STX11: variants seen among roughly 807,000 people sequenced by gnomAD.
STX11 encodes the protein syntaxin 11.
In STX11, 21 loss-of-function variants were observed where a neutral mutation model predicts 19.9. The ratio of observed to expected loss-of-function variants is 1.06; its 90% CI spans 0.75 to 1.52. The LOEUF is 1.52. STX11 is among the 40% of genes most tolerant of loss of function. The probability of loss-of-function intolerance (pLI) is 0.00; values close to 1 mark genes in which losing one functional copy is unlikely to be tolerated. For synonymous variants in STX11, 193 were observed against 174.4 expected, an observed-to-expected ratio of 1.11 and a Z score of -0.84; for missense variants, 438 against 405.9, an observed-to-expected ratio of 1.08 and a Z score of -0.68.
chr6:144,164,264 T>C (rs1248044866), intron 1 of STX11, among the ~76,000 whole-genome samples: 1 of 152,208 alleles, frequency 6.6e-6, no homozygotes, highest in African/African-American at 2.4e-5. Context: ...AAAATAAAGC[T>C]AATGGATGCC....
intron 1 of STX11, among the ~76,000 whole-genome samples, chr6:144,173,866 A>G (rs777856224): frequency 6.6e-6 from 1 of 152,204 alleles, no homozygotes; most frequent in Admixed American, 6.5e-5. Flanking sequence ...TTCACCTGCT[A>G]TCTGGTGCCA....
At chr6:144,143,623 G>C in the STX11 span, among the ~76,000 whole-genome samples, 265 of 152,200 alleles carry the variant, frequency 1.7e-3, 1 homozygote, top group African/African-American at 6.1e-3. Flanking sequence ...CCCTGCCCCT[G>C]TCCTCCTGCC....
chr6:144,158,777 A>G (rs1455226430), intron 1 of STX11, among the ~76,000 whole-genome samples: 1 of 152,242 alleles, frequency 6.6e-6, no homozygotes, highest in Non-Finnish European at 1.5e-5. Flanking sequence ...TATCTGATTC[A>G]CTGACATTGG....
At chr6:144,157,511 G>T (rs1801202063) in intron 1 of STX11, among the ~76,000 whole-genome samples, 1 of 152,168 alleles carries the variant, frequency 6.6e-6, no homozygotes, top group Non-Finnish European at 1.5e-5. Context: ...AGCCTTGTTT[G>T]TGTCTGATGG....
At position 144,189,477 on chromosome 6, in the gene STX11, T is replaced by C. The variant is rs1189475731; in HGVS notation, c.*1986T>C. ...GCAAAATCATGAGGCTTTAGAGATA[T>C]GGTGTAGTCTGCAAACTTCTTAATG... is the stretch of plus-strand genomic sequence containing the variant. On this transcript the variant is annotated 3_prime_UTR_variant, in exon 2 of 2. Transcript: ENST00000367568. 6.6e-6 allele frequency among the ~76,000 whole-genome samples: 1 copy of C among 152,246 alleles called. No individual in the cohort carries two copies. Among genetic ancestry groups the C allele is most frequent in the African/African-American group, 2.4e-5 (1 of 41,462 alleles).
At chr6:144,141,651 G>A in the STX11 span, among the ~76,000 whole-genome samples, 1 of 139,294 alleles carries the variant, frequency 7.2e-6, no homozygotes, top group African/African-American at 2.9e-5. Context: ...ATTATTTTCA[G>A]TTTTGTTGTT....
intron 1 of STX11, among the ~76,000 whole-genome samples, chr6:144,173,693 C>CT (rs1484601881): frequency 3.9e-5 from 6 of 152,206 alleles, no homozygotes; most frequent in Non-Finnish European, 7.3e-5. Flanking sequence ...CATTTTCAGC[C>CT]TTTGGAGCTG....
rs1009070093 is a variant in STX11, at chr6:144,177,446, T to C, written c.-5-9177T>C. ...ACCCTTGAGTGCTCCTGTCTTTACT[T>C]TCTCCCTTAGCTCATCTACTGGCTG... On this transcript the variant is annotated intron_variant, in intron 1 of 1. Transcript: ENST00000367568. This position sits in a 1 kb window ranked among gnomAD's most constrained non-coding sequence, Gnocchi z 4.4. Among the ~76,000 whole-genome samples the C allele has an allele frequency of 2.0e-5, 3 of 152,208 alleles. No individual in the cohort carries two copies. The highest frequency in any genetic ancestry group is 6.5e-5 in the Admixed American group (1 of 15,280).
rs1223234388 is a variant in STX11, at chr6:144,176,584, TTTGC to T, written c.-5-10034_-5-10031del. Among the ~76,000 whole-genome samples the T allele has an allele frequency of 1.3e-5, 2 of 152,160 alleles. No homozygotes were observed. Among genetic ancestry groups the T allele is most frequent in the Admixed American group, 6.5e-5 (1 of 15,284 alleles). On this transcript the variant is annotated intron_variant, in intron 1 of 1. Coordinates refer to ENST00000367568, the MANE Select transcript of STX11 (RefSeq NM_003764.4). The surrounding 1 kb of genome is among the most constrained non-coding windows in gnomAD (Gnocchi z 4.1). ...ATAGAATGTTTGCTTCTCGAATGTCTTTGCTTGCCACAGTCTCTAAAGGGAGTGA... is the reference window on the plus strand; with the variant it reads ...ATAGAATGTTTGCTTCTCGAATGTCTTTGCCACAGTCTCTAAAGGGAGTGA...
At position 144,155,940 on chromosome 6, in the gene STX11, ATCTTTCTTTCTTTCTTTCTT is replaced by A. The variant is rs747288617; in HGVS notation, c.-6+5293_-6+5312del. ...CTAATTAAATGTGTTTTAAAATTTA[ATCTTTCTTTCTTTCTTTCTT>A]TCTTTCTTTCTTTCTTTCTTTCTTT... On this transcript the variant is annotated intron_variant, in intron 1 of 1. Transcript: ENST00000367568. The surrounding 1 kb of genome is among the most constrained non-coding windows in gnomAD (Gnocchi z 4.5). Among the ~76,000 whole-genome samples the A allele has an allele frequency of 0.034, 4,101 of 119,780 alleles. 130 individuals are homozygous for A. The highest frequency in any genetic ancestry group is 0.064 in the South Asian group (215 of 3,352). 78.6% of individuals were successfully genotyped at this position (119,780 alleles called of 152,430 possible).
chr6:144,161,214 A>C (rs959844389), intron 1 of STX11, among the ~76,000 whole-genome samples: 5 of 152,318 alleles, frequency 3.3e-5, no homozygotes, highest in African/African-American at 1.2e-4. Context: ...GGCAGAATGG[A>C]GTATTTTCTC....
In STX11 at chr6:144,153,431, T is replaced by C. The variant is rs139620766; in HGVS notation, c.-6+2728T>C. On this transcript the variant is annotated intron_variant, in intron 1 of 1. Transcript: ENST00000367568. The surrounding 1 kb of genome is among the most constrained non-coding windows in gnomAD (Gnocchi z 5.0). ...GACCCAGCAGAAGGAACAGCACCCA[T>C]AGAGAAGTGAAACAGCACTGGACGT... Among the ~76,000 whole-genome samples, 122 of 152,086 alleles carry C rather than the reference T, an allele frequency of 8.0e-4. No individual in the cohort carries two copies. Among genetic ancestry groups the C allele is most frequent in the African/African-American group, 2.7e-3 (113 of 41,488 alleles).
rs111631372 is a variant in STX11 at position 144,165,073 on chromosome 6, G to A, written c.-6+14370G>A. ...TAAATGTGTAAGAAATTTGATCTAC[G>A]ACTACTTTTTAGTTGGTTTTGTTTT... On this transcript the variant is annotated intron_variant, in intron 1 of 1. Transcript: ENST00000367568. This position sits in a 1 kb window ranked among gnomAD's most constrained non-coding sequence, Gnocchi z 5.8. 3.3e-5 allele frequency among the ~76,000 whole-genome samples: 5 copies of A among 152,052 alleles called. No individual in the cohort carries two copies. The highest frequency in any genetic ancestry group is 7.2e-5 in the African/African-American group (3 of 41,396).
In STX11 at chr6:144,187,110, C is replaced by A. The variant is rs1335062311; in HGVS notation, c.483C>A (p.Ile161=). The A allele has an allele frequency of 2.5e-6, 4 of 1,613,918 alleles. No individual in the cohort carries two copies. Among genetic ancestry groups the A allele is most frequent in the Non-Finnish European group, 2.5e-6 (3 of 1,180,014 alleles). Residue 161 remains isoleucine (I), a synonymous_variant, in exon 2 of 2, where the codon ATC becomes ATA. Transcript: ENST00000367568. The surrounding 1 kb of genome is among the most constrained non-coding windows in gnomAD (Gnocchi z 5.6). ...MKQRDNCKIR[I]QRQLEIMGKE... is the part of the protein sequence containing the mutation. ...AGCGCGACAACTGCAAGATCCGCAT[C>A]CAGCGCCAGCTGGAGATCATGGGCA...
chr6:144,150,991 G>A (rs1800992222), intron 1 of STX11, among the ~76,000 whole-genome samples: 1 of 152,214 alleles, frequency 6.6e-6, no homozygotes, highest in Non-Finnish European at 1.5e-5. Context: ...TTATTTTAGG[G>A]ATACCTGTTG....
rs1050493956 is a variant in STX11, at chr6:144,190,293, C to A, written c.*2802C>A. Among the ~76,000 whole-genome samples the A allele has an allele frequency of 6.6e-6, 1 of 152,162 alleles. No individual in the cohort carries two copies. The highest frequency in any genetic ancestry group is 6.5e-5 in the Admixed American group (1 of 15,268). On this transcript the variant is annotated 3_prime_UTR_variant, in exon 2 of 2. Transcript: ENST00000367568. The stretch of plus-strand genomic sequence containing the variant: ...CCTTGGTTTTTCTGTGCTTCAGTTT[C>A]CTCATCTGTAAAACGGAGATAACAG...
At chr6:144,173,829 T>C (rs1306867829) in intron 1 of STX11, among the ~76,000 whole-genome samples, 3 of 152,236 alleles carry the variant, frequency 2.0e-5, no homozygotes, top group Non-Finnish European at 2.9e-5. Context: ...ATCTTTCCAG[T>C]TTTACTTAAC....
the STX11 span, among the ~76,000 whole-genome samples, chr6:144,144,935 C>T: frequency 1.3e-5 from 2 of 152,042 alleles, no homozygotes; most frequent in African/African-American, 4.8e-5. Context: ...AACCCTTGGG[C>T]ATTGCAGGTA....
chr6:144,188,725 CT>C lies in STX11; in HGVS notation c.*1253del, dbSNP rs11356106. ...ATTATTGTTAAAATTTTTCTTTTTC[CT>C]TTTTTTTTTTTTTTTTTTGAGATGG... On this transcript the variant is annotated 3_prime_UTR_variant, in exon 2 of 2. Coordinates refer to ENST00000367568, the MANE Select transcript of STX11 (RefSeq NM_003764.4). 0.014 allele frequency among the ~76,000 whole-genome samples: 1,656 copies of C among 117,862 alleles called. 12 individuals are homozygous for C. The highest frequency in any genetic ancestry group is 0.051 in the African/African-American group (1,467 of 28,904). The allele number at this position is 117,862 out of a possible 152,430, so 77.3% of individuals were successfully genotyped here.
Sources: gnomAD v4.1 joint callset for allele counts (sites outside exome capture counted in the v4.1 genomes callset) on GRCh38, gnomAD v4.1.1 for gene constraint, Gnocchi (gnomAD v3.1) non-coding constraint, MANE v1.5 for transcripts, NCBI Gene and HGNC (gene_info 2026-07-23, HGNC 2026-07-21) for gene names.